The following ASCC1 variants were observed in gnomAD, a reference collection of about 807,000 sequenced individuals.
The protein encoded by ASCC1 is ASC-1 complex subunit P50.
ASCC1 carries 35 observed loss-of-function variants against 46.6 expected under a neutral mutation model. That is an observed-to-expected ratio of 0.75 (90% CI 0.57 to 0.99). The LOEUF (loss-of-function observed/expected upper bound fraction) is 0.99. Ranked by LOEUF, ASCC1 falls within the 50% of genes least tolerant of loss-of-function variation. The pLI, the probability that ASCC1 is intolerant of heterozygous loss-of-function variation, is 0.00. For synonymous variants in ASCC1, 143 were observed against 146.6 expected, an observed-to-expected ratio of 0.98 and a Z score of 0.18; for missense variants, 376 against 428.7, an observed-to-expected ratio of 0.88 and a Z score of 1.09.
intron 8 of ASCC1, among the ~76,000 whole-genome samples, chr10:72,129,466 C>G (rs1024459685): frequency 1.3e-5 from 2 of 151,990 alleles, no homozygotes; most frequent in Non-Finnish European, 2.9e-5. Context: ...TCCCAGGAGT[C>G]TGAAACCAAC....
intron 5 of ASCC1, among the ~76,000 whole-genome samples, chr10:72,179,932 C>G (rs1325956846): frequency 6.6e-6 from 1 of 152,006 alleles, no homozygotes; most frequent in African/African-American, 2.4e-5. Context: ...TGGTGAAACT[C>G]AACTATTTTT....
Position 72,161,686 on chromosome 10 carries a change from G to A in ASCC1, c.490-12C>T, listed in dbSNP as rs1849714217. The A allele has an allele frequency of 6.2e-7, 1 of 1,613,912 alleles. No individual in the cohort carries two copies. Among genetic ancestry groups the A allele is most frequent in the Non-Finnish European group, 8.5e-7 (1 of 1,180,034 alleles). Reference sequence around the variant, plus strand: ...TCAACCCCATGATCCTGTTATCAAAGAGAGAAAAACAAGAAACTCAGCCCA... The same window carrying A: ...TCAACCCCATGATCCTGTTATCAAAAAGAGAAAAACAAGAAACTCAGCCCA... On this transcript the variant is annotated splice_polypyrimidine_tract_variant and intron_variant, in intron 5 of 9. Coordinates refer to ENST00000672957, the MANE Select transcript of ASCC1 (RefSeq NM_001198800.3).
At chr10:72,190,666 C>G in intron 5 of ASCC1, 1 of 694,824 alleles carries the variant, frequency 1.4e-6, no homozygotes, top group Non-Finnish European at 2.3e-6. Context: ...TAAAGCTAGT[C>G]TGCAAATTAT....
At chr10:72,141,683 G>C (rs1391955664) in intron 7 of ASCC1, among the ~76,000 whole-genome samples, 4 of 152,054 alleles carry the variant, frequency 2.6e-5, no homozygotes, top group Non-Finnish European at 5.9e-5. Context: ...AGCCTTCCTT[G>C]TAACAGATGA....
intron 9 of ASCC1, among the ~76,000 whole-genome samples, chr10:72,123,251 A>C (rs891104639): frequency 3.3e-5 from 5 of 151,638 alleles, no homozygotes; most frequent in Non-Finnish European, 7.4e-5. Flanking sequence ...AGGCAGGAGA[A>C]TGGCATGAAC....
intron 6 of ASCC1, among the ~76,000 whole-genome samples, chr10:72,160,943 C>T (rs376216983): frequency 2.0e-5 from 3 of 151,796 alleles, no homozygotes; most frequent in Non-Finnish European, 2.9e-5. Context: ...ATTAGCCGGA[C>T]GCGGTGGCGG....
intron 5 of ASCC1, among the ~76,000 whole-genome samples, chr10:72,164,448 G>C (rs747525946): frequency 6.6e-6 from 1 of 152,162 alleles, no homozygotes. Flanking sequence ...GTTCATCCAA[G>C]CTGTAGCATT....
At chr10:72,194,745 TTTG>T (rs921036090) in intron 5 of ASCC1, among the ~76,000 whole-genome samples, 2 of 152,106 alleles carry the variant, frequency 1.3e-5, no homozygotes, top group Non-Finnish European at 2.9e-5. Context: ...TTTGTTTTTG[TTTG>T]TTTTTTGTTT....
chr10:72,205,791 G>A (rs1052354909), intron 3 of ASCC1, among the ~76,000 whole-genome samples: 3 of 151,848 alleles, frequency 2.0e-5, no homozygotes, highest in African/African-American at 4.8e-5. Flanking sequence ...GGGAGACTCC[G>A]TCTCAAAAAA....
intron 5 of ASCC1, among the ~76,000 whole-genome samples, chr10:72,184,170 T>A (rs1853089735): frequency 1.6e-5 from 2 of 124,674 alleles, no homozygotes. Flanking sequence ...AATAAAACCC[T>A]CAATCCAAAA....
chr10:72,169,760 T>C (rs1335705537), intron 5 of ASCC1, among the ~76,000 whole-genome samples: 7 of 152,032 alleles, frequency 4.6e-5, no homozygotes, highest in Non-Finnish European at 1.0e-4. Flanking sequence ...GAAAGTAAAC[T>C]AAAAATAAAC....
At chr10:72,148,393 A>C (rs1446396932) in intron 7 of ASCC1, among the ~76,000 whole-genome samples, 1 of 152,226 alleles carries the variant, frequency 6.6e-6, no homozygotes, top group African/African-American at 2.4e-5. Flanking sequence ...TTGTGAGCTG[A>C]ACTAGTCTTG....
intron 5 of ASCC1, among the ~76,000 whole-genome samples, chr10:72,168,288 T>G (rs1042909711): frequency 1.3e-5 from 2 of 152,130 alleles, no homozygotes; most frequent in African/African-American, 4.8e-5. Context: ...ACACTTCACA[T>G]GAATAAAGAT....
chr10:72,189,872 TTC>T (rs960982751), intron 5 of ASCC1: 1 of 597,750 alleles, frequency 1.7e-6, no homozygotes, highest in African/African-American at 1.8e-5. Context: ...ATGCTTTTAT[TTC>T]TGTCTTCACT....
At position 72,203,432 on chromosome 10, in the gene ASCC1, TC is replaced by T; in HGVS notation, c.304del (p.Glu102LysfsTer3). ...ISIPKPGQDG[E>X]IVITGQHRNG... The stretch of plus-strand genomic sequence containing the variant: ...TTATATCTACTGAGTCTCACCAATT[TC>T]CCCGTCTTGTCCAGGTTTAGGAATG... On this transcript the variant is annotated frameshift_variant, in exon 4 of 10. Transcript: ENST00000672957. LOFTEE classifies it high-confidence loss of function. 1.2e-6 allele frequency: 2 copies of T among 1,611,708 alleles called. No homozygotes were observed. Among genetic ancestry groups the T allele is most frequent in the Non-Finnish European group, 1.7e-6 (2 of 1,177,848 alleles).
In ASCC1 at chr10:72,203,286, C is replaced by CA. The variant is rs372727374; in HGVS notation, c.310+140dup. 106,034 of 548,690 alleles carry CA rather than the reference C, an allele frequency of 0.19. 3,373 individuals carry two copies. Among genetic ancestry groups the CA allele is most frequent in the African/African-American group, 0.46 (19,167 of 41,860 alleles). The allele number at this position is 548,690 out of a possible 1,614,324, so 34.0% of individuals were successfully genotyped here. ...GGGTAACAAGGGCAAAACTCCGTCT[C>CA]AAAAAAAAAAAAAAAGAAAAGAAAA... On this transcript the variant is annotated intron_variant, in intron 4 of 9. Coordinates refer to ENST00000672957, the MANE Select transcript of ASCC1 (RefSeq NM_001198800.3).
intron 3 of ASCC1, among the ~76,000 whole-genome samples, chr10:72,209,176 A>G (rs111447280): frequency 0.038 from 5,746 of 151,972 alleles, 369 homozygotes; most frequent in African/African-American, 0.13. Context: ...AAAAAAAAAA[A>G]AAAGAGATAT....
rs1338750432 is a variant in ASCC1, at chr10:72,096,931, G to C, written c.*403C>G. The C allele has an allele frequency of 6.6e-6, 3 of 454,154 alleles. No individual in the cohort carries two copies. In the Admixed American group the frequency reaches 7.1e-5, roughly 11 times the overall value. The allele number at this position is 454,154 out of a possible 1,614,324, so 28.1% of individuals were successfully genotyped here. A position where few individuals can be genotyped will look rare whatever the true frequency, so the allele number is the denominator to read the frequency against. On this transcript the variant is annotated 3_prime_UTR_variant, in exon 10 of 10. Coordinates refer to ENST00000672957, the MANE Select transcript of ASCC1 (RefSeq NM_001198800.3). The stretch of plus-strand genomic sequence containing the variant: ...GAGGAGTGGGAATTACTGTTTAATG[G>C]GTACAGTTTCCATTTTACAAGCTGA...
chr10:72,187,373 G>A (rs969063009), intron 5 of ASCC1, among the ~76,000 whole-genome samples: 3 of 147,380 alleles, frequency 2.0e-5, no homozygotes, highest in Admixed American at 6.8e-5. Context: ...GGAGGCCGAG[G>A]CGGGTGGATC....
Sources: allele counts gnomAD v4.1 joint callset (sites outside exome capture counted in the v4.1 genomes callset), GRCh38; gene constraint gnomAD v4.1.1; transcripts MANE v1.5; gene names NCBI Gene and HGNC (gene_info 2026-07-23, HGNC 2026-07-21).